The following TASP1 variants were observed in gnomAD, a reference collection of about 807,000 sequenced individuals.
TASP1 encodes threonine aspartase 1.
Under a neutral mutation model 56.6 loss-of-function variants are expected in TASP1, and 16 were observed. The observed-to-expected ratio is 0.28, with a 90% CI of 0.19 to 0.43. The LOEUF is 0.43. TASP1 is among the 20% of genes least tolerant of loss of function. The probability of loss-of-function intolerance (pLI) is 1.00; values close to 1 mark genes in which losing one functional copy is unlikely to be tolerated. For missense variants in TASP1, 393 were observed against 511.6 expected (o/e 0.77, Z 2.24); for synonymous variants, 179 against 184.2 (o/e 0.97, Z 0.23).
At chr20:13,316,726 C>G in the TASP1 span, among the ~76,000 whole-genome samples, 1 of 151,462 alleles carries the variant, frequency 6.6e-6, no homozygotes, top group Non-Finnish European at 1.5e-5. Flanking sequence ...TGACAAAATT[C>G]AACACCCATT....
chr20:13,542,319 G>C (rs2045654387), intron 8 of TASP1, among the ~76,000 whole-genome samples: 1 of 152,110 alleles, frequency 6.6e-6, no homozygotes, highest in Non-Finnish European at 1.5e-5. Flanking sequence ...TGAAAGCTTA[G>C]AGTCACCAAG....
the TASP1 span, among the ~76,000 whole-genome samples, chr20:13,248,868 T>A: frequency 6.6e-6 from 1 of 152,300 alleles, no homozygotes; most frequent in Admixed American, 6.5e-5. Flanking sequence ...TGAATTAACA[T>A]GAAGGGACAA....
At chr20:13,577,030 T>TA (rs2046949883) in intron 6 of TASP1, among the ~76,000 whole-genome samples, 1 of 152,232 alleles carries the variant, frequency 6.6e-6, no homozygotes, top group Non-Finnish European at 1.5e-5. Flanking sequence ...CAAAGAAAAT[T>TA]AGAGTATTGT....
At chr20:13,454,211 C>T (rs1228529960) in intron 11 of TASP1, among the ~76,000 whole-genome samples, 2 of 152,080 alleles carry the variant, frequency 1.3e-5, no homozygotes, top group East Asian at 1.9e-4. Context: ...AGGGATAAGA[C>T]AGTGAATTTA....
At chr20:13,590,336 TC>T (rs1263248461) in intron 4 of TASP1, among the ~76,000 whole-genome samples, 1 of 152,084 alleles carries the variant, frequency 6.6e-6, no homozygotes, top group Non-Finnish European at 1.5e-5. Context: ...ATGGCTATAA[TC>T]ATACAGATAA....
the TASP1 span, among the ~76,000 whole-genome samples, chr20:13,124,578 G>T: frequency 6.6e-6 from 1 of 152,102 alleles, no homozygotes; most frequent in African/African-American, 2.4e-5. Flanking sequence ...CGGGTGAAAG[G>T]GGGGGATTCA....
chr20:13,359,824 T>G, the TASP1 span, among the ~76,000 whole-genome samples: 1 of 151,644 alleles, frequency 6.6e-6, no homozygotes. Flanking sequence ...CTCCTTTGCA[T>G]CCTCCTCTTC....
intron 5 of TASP1, among the ~76,000 whole-genome samples, chr20:13,586,421 G>A (rs936119575): frequency 6.6e-6 from 1 of 152,066 alleles, no homozygotes; most frequent in Non-Finnish European, 1.5e-5. Context: ...AAAGAAAACA[G>A]ACACAGAAGT....
chr20:13,235,556 G>C, the TASP1 span, among the ~76,000 whole-genome samples: 1 of 152,198 alleles, frequency 6.6e-6, no homozygotes, highest in Non-Finnish European at 1.5e-5. Context: ...GTGAGTCCCA[G>C]AGGGCCCTGC....
chr20:13,185,753 A>G, the TASP1 span, among the ~76,000 whole-genome samples: 2 of 152,184 alleles, frequency 1.3e-5, no homozygotes, highest in Non-Finnish European at 2.9e-5. Flanking sequence ...TCATGGCAAC[A>G]ACATTGCAAA....
chr20:13,521,982 G>A (rs1475830703), intron 10 of TASP1, among the ~76,000 whole-genome samples: 1 of 152,174 alleles, frequency 6.6e-6, no homozygotes, highest in African/African-American at 2.4e-5. Flanking sequence ...TTGAATAAAG[G>A]TCTGATGAGG....
At chr20:13,139,273 A>C in the TASP1 span, among the ~76,000 whole-genome samples, 4 of 152,138 alleles carry the variant, frequency 2.6e-5, no homozygotes, top group East Asian at 5.8e-4. Context: ...GGGTATTGGG[A>C]TTTTGAGTCT....
At chr20:13,616,281 C>T (rs1330233406) in intron 4 of TASP1, among the ~76,000 whole-genome samples, 8 of 152,122 alleles carry the variant, frequency 5.3e-5, no homozygotes, top group Non-Finnish European at 1.2e-4. Flanking sequence ...CCATATATGG[C>T]TTTAGGTAGC....
intron 11 of TASP1, among the ~76,000 whole-genome samples, chr20:13,450,373 G>C (rs1168013243): frequency 6.6e-6 from 1 of 152,034 alleles, no homozygotes; most frequent in Non-Finnish European, 1.5e-5. Flanking sequence ...TTTCATGAAA[G>C]ATTTCTTTGT....
chr20:13,182,421 G>A, the TASP1 span, among the ~76,000 whole-genome samples: 2 of 152,096 alleles, frequency 1.3e-5, no homozygotes, highest in African/African-American at 2.4e-5. Flanking sequence ...CTGATATAGT[G>A]TTAGATGCAC....
intron 11 of TASP1, among the ~76,000 whole-genome samples, chr20:13,456,883 C>A (rs1359499910): frequency 1.3e-5 from 2 of 152,092 alleles, no homozygotes; most frequent in African/African-American, 4.8e-5. Context: ...GTCAGAATAA[C>A]CCACAAGCCA....
chr20:13,584,803 T>C (rs936874316), intron 5 of TASP1, among the ~76,000 whole-genome samples: 7 of 151,976 alleles, frequency 4.6e-5, no homozygotes, highest in African/African-American at 1.7e-4. Flanking sequence ...GCAAATAAAT[T>C]TGACAACTCA....
chr20:13,168,189 T>C, the TASP1 span: 4,084 of 151,724 alleles, frequency 0.027, 84 homozygotes, highest in Non-Finnish European at 0.04. Context: ...TCTTTTTTTT[T>C]TTTTTTTTGA....
At chr20:13,435,420 T>G (rs2042967793) in intron 11 of TASP1, among the ~76,000 whole-genome samples, 1 of 152,100 alleles carries the variant, frequency 6.6e-6, no homozygotes. Context: ...AGAATGGAAT[T>G]GGAAATGCTA....
Sources: allele counts gnomAD v4.1 joint callset (sites outside exome capture counted in the v4.1 genomes callset), GRCh38; gene constraint gnomAD v4.1.1; transcripts MANE v1.5; gene names NCBI Gene and HGNC (gene_info 2026-07-23, HGNC 2026-07-21).